FRY: variants seen among roughly 807,000 people sequenced by gnomAD.
FRY encodes the protein FRY microtubule binding protein, also known as protein furry homolog.
FRY carries 128 observed loss-of-function variants against 348.4 expected under a neutral mutation model. The ratio of observed to expected loss-of-function variants is 0.37; its 90% CI spans 0.32 to 0.43. FRY has a LOEUF of 0.43. Among genes scored for constraint, FRY ranks in the 20% least tolerant of loss-of-function variants. The pLI, the probability that FRY is intolerant of heterozygous loss-of-function variation, is 1.00. For synonymous variants in FRY, 1,370 were observed against 1,374.7 expected (o/e 1.00, Z 0.08); for missense variants, 2,736 against 3,695.2 (o/e 0.74, Z 6.73).
chr13:32,101,633 T>C (rs1877167761), intron 2 of FRY, among the ~76,000 whole-genome samples: 1 of 152,222 alleles, frequency 6.6e-6, no homozygotes, highest in Non-Finnish European at 1.5e-5. Context: ...CAACATTTAT[T>C]ATCTTTTGTC....
rs74619822 is a variant in FRY at position 32,235,604 on chromosome 13, C to T, written c.5716-474C>T. Among the ~76,000 whole-genome samples the T allele has an allele frequency of 7.4e-3, 1,120 of 152,248 alleles. 7 individuals carry two copies. Among genetic ancestry groups the T allele is most frequent in the South Asian group, 0.03 (145 of 4,824 alleles). On this transcript the variant is annotated intron_variant, in intron 42 of 60. Transcript: ENST00000542859. Reference sequence around the variant, plus strand: ...TGCCATTGTACTCAAGCCTGGGCAACGGAAGTGAGACTCCATCTCAGAAAA... The same window carrying T: ...TGCCATTGTACTCAAGCCTGGGCAATGGAAGTGAGACTCCATCTCAGAAAA...
At chr13:32,200,677 G>C (rs943577309) in intron 29 of FRY, among the ~76,000 whole-genome samples, 2 of 152,104 alleles carry the variant, frequency 1.3e-5, no homozygotes, top group Non-Finnish European at 2.9e-5. Context: ...AAATACATAT[G>C]GTGAAAAGAT....
chr13:32,120,850 C>CGGG (rs1566082211), intron 4 of FRY, among the ~76,000 whole-genome samples: 1 of 152,144 alleles, frequency 6.6e-6, no homozygotes, highest in African/African-American at 2.4e-5. Flanking sequence ...TTAGTAGAGA[C>CGGG]GGGGTTTCAC....
intron 3 of FRY, among the ~76,000 whole-genome samples, chr13:32,105,547 A>T (rs1204898127): frequency 1.3e-5 from 2 of 152,216 alleles, no homozygotes; most frequent in African/African-American, 4.8e-5. Flanking sequence ...GGCATTAAAC[A>T]TTCAAATTAT....
chr13:32,105,949 A>T (rs1428145925), intron 3 of FRY, among the ~76,000 whole-genome samples: 1 of 151,664 alleles, frequency 6.6e-6, no homozygotes, highest in Non-Finnish European at 1.5e-5. Flanking sequence ...GCAAAAAAAA[A>T]TTCATGTAAT....
chr13:32,264,614 C>T (rs1397638211), intron 53 of FRY, among the ~76,000 whole-genome samples: 1 of 152,152 alleles, frequency 6.6e-6, no homozygotes, highest in African/African-American at 2.4e-5. Context: ...TCCCCCTGGC[C>T]CAGGCCCAAA....
At chr13:32,190,182 C>A (rs1181065768) in intron 28 of FRY, among the ~76,000 whole-genome samples, 1 of 150,810 alleles carries the variant, frequency 6.6e-6, no homozygotes, top group African/African-American at 2.4e-5. Context: ...AAAAAAAACA[C>A]CCTATGAGCA....
At chr13:32,103,375 T>G (rs1877292330) in intron 3 of FRY, among the ~76,000 whole-genome samples, 1 of 152,140 alleles carries the variant, frequency 6.6e-6, no homozygotes, top group South Asian at 2.1e-4. Flanking sequence ...TTTTTAAGAA[T>G]AAATATCATT....
Position 32,131,858 on chromosome 13 carries a change from A to C in FRY, c.885+18A>C, listed in dbSNP as rs1593649188. The stretch of plus-strand genomic sequence containing the variant: ...TTATGCAGGTAATGTCTTAGGCAGG[A>C]GAGCTAAGGTGCTCTCAACTTGAGC... On this transcript the variant is annotated intron_variant, in intron 8 of 60. Coordinates refer to ENST00000542859, the MANE Select transcript of FRY (RefSeq NM_023037.3). The C allele has an allele frequency of 1.2e-6, 2 of 1,602,306 alleles. No homozygotes were observed. Among genetic ancestry groups the C allele is most frequent in the East Asian group, 2.2e-5 (1 of 44,828 alleles).
Position 32,267,516 on chromosome 13 carries a change from A to G in FRY, c.8136+157A>G, listed in dbSNP as rs139765793. On this transcript the variant is annotated intron_variant, in intron 55 of 60. Coordinates refer to ENST00000542859, the MANE Select transcript of FRY (RefSeq NM_023037.3). ...TTCCTCTGACTTTGAAATTTCTTCT[A>G]TTTACCCTTAATCTTGTCATCCTTC... is the stretch of plus-strand genomic sequence containing the variant. Among the ~76,000 whole-genome samples, 84 of 152,062 alleles carry G rather than the reference A, an allele frequency of 5.5e-4. 1 individual carries two copies. In the Middle Eastern group the frequency reaches 0.01, roughly 18 times the overall value.
chr13:32,113,891 T>C (rs1878133130), intron 3 of FRY, among the ~76,000 whole-genome samples: 1 of 152,182 alleles, frequency 6.6e-6, no homozygotes, highest in Non-Finnish European at 1.5e-5. Flanking sequence ...ATGCTGACCT[T>C]TCATCCCTTC....
chr13:32,056,136 A>G (rs528920802), intron 1 of FRY, among the ~76,000 whole-genome samples: 35 of 147,932 alleles, frequency 2.4e-4, no homozygotes, highest in African/African-American at 8.7e-4. Context: ...GGTTGCAGTG[A>G]GCTGAGGTCG....
At chr13:32,070,991 T>C (rs1307320040) in intron 1 of FRY, among the ~76,000 whole-genome samples, 1 of 152,230 alleles carries the variant, frequency 6.6e-6, no homozygotes, top group Admixed American at 6.5e-5. Flanking sequence ...TTTCTTGTTT[T>C]TGTCAGGTTT....
intron 14 of FRY, among the ~76,000 whole-genome samples, chr13:32,150,362 A>G (rs1164877078): frequency 6.6e-6 from 1 of 152,248 alleles, no homozygotes; most frequent in Non-Finnish European, 1.5e-5. Flanking sequence ...GGCTGTGCAC[A>G]TGAACAGCAC....
In FRY at chr13:32,082,318, T is replaced by C. The variant is rs542393896; in HGVS notation, c.270+3285T>C. Among the ~76,000 whole-genome samples, 18 of 152,210 alleles carry C rather than the reference T, an allele frequency of 1.2e-4. No individual in the cohort carries two copies. In the East Asian group the frequency reaches 1.3e-3, roughly 11 times the overall value. On this transcript the variant is annotated intron_variant, in intron 2 of 60. Coordinates refer to ENST00000542859, the MANE Select transcript of FRY (RefSeq NM_023037.3). Reference sequence around the variant, plus strand: ...TCTTTCTCTTGTTCTGCAGAATGGCTCTTTGTACCCAAAAGATGCTCAGGT... The same window carrying C: ...TCTTTCTCTTGTTCTGCAGAATGGCCCTTTGTACCCAAAAGATGCTCAGGT...
chr13:32,273,865 G>A lies in FRY; in HGVS notation c.8137-977G>A, dbSNP rs187075212. Reference sequence around the variant, plus strand: ...TAACCACAGCAAAAACAAAAACAGTGTTGGTCAAAAAGATTATACAGGCTG... The same window carrying A: ...TAACCACAGCAAAAACAAAAACAGTATTGGTCAAAAAGATTATACAGGCTG... On this transcript the variant is annotated intron_variant, in intron 55 of 60. Transcript: ENST00000542859. Among the ~76,000 whole-genome samples the A allele has an allele frequency of 3.9e-5, 6 of 152,262 alleles. No individual in the cohort carries two copies. In the East Asian group the frequency reaches 1.2e-3, roughly 29 times the overall value.
chr13:32,253,946 T>TACAC (rs10627998), intron 50 of FRY, among the ~76,000 whole-genome samples: 38 of 151,196 alleles, frequency 2.5e-4, no homozygotes, highest in Non-Finnish European at 3.5e-4. Flanking sequence ...CACACACACA[T>TACAC]ACACACACAC....
intron 1 of FRY, among the ~76,000 whole-genome samples, chr13:32,049,398 T>A (rs1210289135): frequency 6.6e-6 from 1 of 152,032 alleles, no homozygotes; most frequent in South Asian, 2.1e-4. Flanking sequence ...TGCCGAAAGG[T>A]CTGGTCTTAT....
Position 32,289,622 on chromosome 13 carries a change from T to C in FRY, c.8470-11T>C. On this transcript the variant is annotated splice_polypyrimidine_tract_variant and intron_variant, in intron 58 of 60. Transcript: ENST00000542859. ...AATAACTGTTTCTTCCCATGCAATTTCTCTCTTTAGCAATTGGAACTGTGT... is the reference window on the plus strand; with the variant it reads ...AATAACTGTTTCTTCCCATGCAATTCCTCTCTTTAGCAATTGGAACTGTGT... The C allele has an allele frequency of 6.8e-7, 1 of 1,466,770 alleles. No homozygotes were observed. The highest frequency in any genetic ancestry group is 9.6e-7 in the Non-Finnish European group (1 of 1,045,384). The allele number at this position is 1,466,770 out of a possible 1,614,324, so 90.9% of individuals were successfully genotyped here.
Sources: allele counts gnomAD v4.1 joint callset (sites outside exome capture counted in the v4.1 genomes callset), GRCh38; gene constraint gnomAD v4.1.1; transcripts MANE v1.5; gene names NCBI Gene and HGNC (gene_info 2026-07-23, HGNC 2026-07-21).